Variants in SSC4D observed in about 807,000 individuals in gnomAD.
SSC4D encodes the protein scavenger receptor cysteine rich family member with 4 domains.
A neutral mutation model predicts 63.4 loss-of-function variants in SSC4D; 57 were observed. That is an observed-to-expected ratio of 0.90 (90% CI 0.73 to 1.12). The LOEUF (loss-of-function observed/expected upper bound fraction) is 1.12. Among genes scored for constraint, SSC4D ranks in the 50% most tolerant of loss-of-function variants. SSC4D has a pLI of 0.00. For synonymous variants in SSC4D, 352 were observed against 345.4 expected (o/e 1.02, Z -0.21); for missense variants, 791 against 806.4 (o/e 0.98, Z 0.23).
intron 1 of SSC4D, among the ~76,000 whole-genome samples, chr7:76,408,140 G>C (rs1374470205): frequency 6.6e-6 from 1 of 152,088 alleles, no homozygotes; most frequent in African/African-American, 2.4e-5. Flanking sequence ...GTGGGACTGG[G>C]GGACATGGGT....
chr7:76,405,340 T>TTTCTTTCTTTCTTTCTTTC (rs3081031), intron 1 of SSC4D, among the ~76,000 whole-genome samples: 5 of 48,950 alleles, frequency 1.0e-4, no homozygotes, highest in African/African-American at 1.9e-4. Flanking sequence ...TCTTTCTTTC[T>TTTCTTTCTTTCTTTCTTTC]TTTTTTTTTT....
intron 10 of SSC4D, 65 bp from the exon 11 acceptor site, chr7:76,390,440 A>C (rs1804472272): frequency 3.4e-6 from 5 of 1,464,530 alleles, no homozygotes; most frequent in Non-Finnish European, 3.6e-6. Context: ...AAGCTAGGTC[A>C]GGTTGGCAGT....
At chr7:76,404,748 A>C (rs1804945193) in intron 1 of SSC4D, among the ~76,000 whole-genome samples, 1 of 151,634 alleles carries the variant, frequency 6.6e-6, no homozygotes. Context: ...CCTGGGTAAC[A>C]TGGCGAAAAC....
At chr7:76,391,512 T>C (rs1804492400) in intron 10 of SSC4D, among the ~76,000 whole-genome samples, 1 of 152,148 alleles carries the variant, frequency 6.6e-6, no homozygotes, top group Admixed American at 6.6e-5. Context: ...GCAAACGTTT[T>C]TGAGTGATCC....
At chr7:76,395,391 G>T in intron 6 of SSC4D, 61 bp from the exon 7 acceptor site, 1 of 1,527,900 alleles carries the variant, frequency 6.5e-7, no homozygotes, top group Non-Finnish European at 9.1e-7. Context: ...GGTCAGCCAT[G>T]GGCTGTCAGG....
intron 1 of SSC4D, among the ~76,000 whole-genome samples, chr7:76,407,121 C>T (rs938444310): frequency 5.9e-5 from 9 of 152,008 alleles, no homozygotes; most frequent in African/African-American, 2.2e-4. Flanking sequence ...CCACCATACT[C>T]GGCTAATTTT....
chr7:76,394,127 C>T lies in SSC4D; in HGVS notation c.947-223G>A, dbSNP rs368278326. On this transcript the variant is annotated intron_variant, in intron 7 of 10. Transcript: ENST00000275560. ...TCTAGGTATTATCCTAACTTCAGGC[C>T]CAGGGATAGTTCCTATCCTAATTCC... is the stretch of plus-strand genomic sequence containing the variant. Among the ~76,000 whole-genome samples, 181 of 152,288 alleles carry T rather than the reference C, an allele frequency of 1.2e-3. 1 individual carries two copies. The highest frequency in any genetic ancestry group is 2.2e-3 in the Non-Finnish European group (151 of 68,028).
chr7:76,407,764 A>G (rs563501032), intron 1 of SSC4D, among the ~76,000 whole-genome samples: 1 of 152,298 alleles, frequency 6.6e-6, no homozygotes, highest in South Asian at 2.1e-4. Context: ...TGCATAAACC[A>G]TGAGCTTAGA....
At position 76,391,960 on chromosome 7, in the gene SSC4D, C is replaced by T. The variant is rs767784401; in HGVS notation, c.1411+4G>A. 1.9e-6 allele frequency: 3 copies of T among 1,589,878 alleles called. No homozygotes were observed. In the South Asian group the frequency reaches 3.4e-5, roughly 18 times the overall value. On this transcript the variant is annotated splice_donor_region_variant and intron_variant, in intron 10 of 10. Transcript: ENST00000275560. ...CCCACTTTCAGGGGATTATGGGCAC[C>T]TACCGTCCCTGGGCCGAGGAGTGGG...
At chr7:76,405,919 T>A (rs1370726263) in intron 1 of SSC4D, among the ~76,000 whole-genome samples, 2 of 151,870 alleles carry the variant, frequency 1.3e-5, no homozygotes, top group African/African-American at 2.4e-5. Context: ...TCCCTCCCTC[T>A]CTCCCTTTCT....
rs987228459 is a variant in SSC4D at position 76,397,464 on chromosome 7, C to T, written c.868+54G>A. On this transcript the variant is annotated intron_variant, in intron 6 of 10. Coordinates refer to ENST00000275560, the MANE Select transcript of SSC4D (RefSeq NM_080744.2). Reference sequence around the variant, plus strand: ...CCGAAGCCTCCTCCTCCAGCATTGCCACAGGGCCCCGCCCACCTGCCCCGG... The same window carrying T: ...CCGAAGCCTCCTCCTCCAGCATTGCTACAGGGCCCCGCCCACCTGCCCCGG... The T allele has an allele frequency of 9.7e-6, 14 of 1,439,284 alleles. No individual in the cohort carries two copies. In the African/African-American group the frequency reaches 2.0e-4, roughly 21 times the overall value. The allele number at this position is 1,439,284 out of a possible 1,614,324, so 89.2% of individuals were successfully genotyped here. A position where few individuals can be genotyped will look rare whatever the true frequency, so the allele number is the denominator to read the frequency against.
At chr7:76,396,241 G>T (rs1435117294) in intron 6 of SSC4D, among the ~76,000 whole-genome samples, 2 of 152,232 alleles carry the variant, frequency 1.3e-5, no homozygotes, top group Non-Finnish European at 2.9e-5. Flanking sequence ...CTAAAACAGG[G>T]ATGGGGTGGG....
chr7:76,393,384 C>A, intron 9 of SSC4D, 21 bp downstream of exon 9: 1 of 1,336,160 alleles, frequency 7.5e-7, no homozygotes, highest in Non-Finnish European at 9.6e-7. Context: ...CTGTCAGCCT[C>A]ACCTTCGCTG....
At chr7:76,406,870 T>A (rs1186905476) in intron 1 of SSC4D, among the ~76,000 whole-genome samples, 1 of 152,082 alleles carries the variant, frequency 6.6e-6, no homozygotes. Flanking sequence ...CTTCCTTCAC[T>A]TTTTTTATGT....
Position 76,406,885 on chromosome 7 carries a change from G to T in SSC4D, c.-66-2380C>A, listed in dbSNP as rs767582227. The stretch of plus-strand genomic sequence containing the variant: ...CTTCCTTCACTTTTTTTATGTATTT[G>T]TGTGTCATGGTAACTATGATTTACT... On this transcript the variant is annotated intron_variant, in intron 1 of 10. Transcript: ENST00000275560. 1.2e-4 allele frequency among the ~76,000 whole-genome samples: 18 copies of T among 150,978 alleles called. 1 individual carries two copies. The highest frequency in any genetic ancestry group is 1.9e-4 in the Non-Finnish European group (13 of 67,846).
intron 4 of SSC4D, among the ~76,000 whole-genome samples, chr7:76,399,465 G>A (rs1804743459): frequency 6.6e-6 from 1 of 152,120 alleles, no homozygotes; most frequent in Admixed American, 6.6e-5. Flanking sequence ...AAAACTAGAA[G>A]CACTGCTCTC....
Position 76,389,958 on chromosome 7 carries a change from G to T in SSC4D, c.*101C>A. 6.7e-7 allele frequency: 1 copy of T among 1,491,818 alleles called. No individual in the cohort carries two copies. Among genetic ancestry groups the T allele is most frequent in the Non-Finnish European group, 9.2e-7 (1 of 1,087,068 alleles). 92.4% of individuals were successfully genotyped at this position (1,491,818 alleles called of 1,614,324 possible). ...GGCTCTCTCCCAGGCAAGGGAAGGA[G>T]GGGCAAAGTGAACTGTAGTCATCAC... is the stretch of plus-strand genomic sequence containing the variant. On this transcript the variant is annotated 3_prime_UTR_variant, in exon 11 of 11. Transcript: ENST00000275560.
At chr7:76,398,486 G>T (rs1006818986) in intron 5 of SSC4D, among the ~76,000 whole-genome samples, 8 of 151,906 alleles carry the variant, frequency 5.3e-5, no homozygotes, top group African/African-American at 1.9e-4. Flanking sequence ...TGTATTTTTT[G>T]TAGAGACAGG....
intron 9 of SSC4D, 30 bp from the exon 10 acceptor site, chr7:76,392,071 T>A: frequency 1.3e-6 from 2 of 1,553,474 alleles, no homozygotes; most frequent in Non-Finnish European, 1.7e-6. Context: ...GATAAAGAGG[T>A]GGCTCTCACA....
Sources: gnomAD v4.1 joint callset for allele counts (sites outside exome capture counted in the v4.1 genomes callset) on GRCh38, gnomAD v4.1.1 for gene constraint, MANE v1.5 for transcripts, NCBI Gene and HGNC (gene_info 2026-07-23, HGNC 2026-07-21) for gene names.